Variants in ZBTB7C observed in about 807,000 individuals in gnomAD.
The protein encoded by ZBTB7C is zinc finger and BTB domain-containing protein 7C.
In ZBTB7C, 8 loss-of-function variants were observed where a neutral mutation model predicts 25.7. The observed-to-expected ratio is 0.31, with a 90% confidence interval of 0.18 to 0.56. The LOEUF (loss-of-function observed/expected upper bound fraction) is 0.56, where lower values mean the gene tolerates loss of function less well. ZBTB7C is among the 20% of genes least tolerant of loss of function. The probability of loss-of-function intolerance (pLI) is 0.91; values close to 1 mark genes in which losing one functional copy is unlikely to be tolerated. For synonymous variants in ZBTB7C, 394 were observed against 369.0 expected (o/e 1.07, Z -0.78); for missense variants, 824 against 855.2 (o/e 0.96, Z 0.46).
chr18:48,323,015 A>C (rs957429921), intron 2 of ZBTB7C, among the ~76,000 whole-genome samples: 1 of 152,194 alleles, frequency 6.6e-6, no homozygotes, highest in Non-Finnish European at 1.5e-5. Context: ...CAAAGGCATA[A>C]GAATAATACA....
intron 3 of ZBTB7C, among the ~76,000 whole-genome samples, chr18:48,140,808 C>T (rs939058140): frequency 2.6e-5 from 4 of 152,268 alleles, no homozygotes; most frequent in Admixed American, 2.6e-4. Flanking sequence ...CCCGCGCCCC[C>T]AGCCAAACCA....
At chr18:48,099,651 G>A (rs2038761285) in intron 3 of ZBTB7C, among the ~76,000 whole-genome samples, 1 of 152,214 alleles carries the variant, frequency 6.6e-6, no homozygotes, top group South Asian at 2.1e-4. Flanking sequence ...AACTGGCAGG[G>A]TGCAGCCCCC....
At chr18:48,115,659 C>A (rs928049859) in intron 3 of ZBTB7C, among the ~76,000 whole-genome samples, 7 of 152,164 alleles carry the variant, frequency 4.6e-5, no homozygotes, top group African/African-American at 1.7e-4. Context: ...GGGAATAATG[C>A]TGCGATGAAC....
At chr18:48,344,112 G>A (rs967882399) in intron 1 of ZBTB7C, among the ~76,000 whole-genome samples, 2 of 152,188 alleles carry the variant, frequency 1.3e-5, no homozygotes, top group African/African-American at 4.8e-5. Context: ...GGCCTTCCGA[G>A]TAGCTGGATT....
At chr18:48,102,372 TG>T (rs1034565065) in intron 3 of ZBTB7C, among the ~76,000 whole-genome samples, 15 of 152,256 alleles carry the variant, frequency 9.9e-5, no homozygotes, top group Admixed American at 1.3e-4. Flanking sequence ...GAGACCAGCC[TG>T]GGCAACATAG....
intron 3 of ZBTB7C, among the ~76,000 whole-genome samples, chr18:48,073,731 C>T (rs530244282): frequency 6.6e-6 from 1 of 152,246 alleles, no homozygotes; most frequent in African/African-American, 2.4e-5. Context: ...TCCGCCCTGG[C>T]TCCCCAACCC....
intron 2 of ZBTB7C, among the ~76,000 whole-genome samples, chr18:48,276,871 G>A (rs1406865424): frequency 7.8e-5 from 8 of 102,602 alleles, no homozygotes; most frequent in African/African-American, 2.7e-4. Context: ...CTGAGGAATC[G>A]CCACACTGAC....
At chr18:48,087,859 GC>G (rs1598853992) in intron 3 of ZBTB7C, 1 of 74,184 alleles carries the variant, frequency 1.3e-5, no homozygotes, top group African/African-American at 4.3e-5. Context: ...GGGGGGGGGG[GC>G]ATTTTTCCAT....
intron 3 of ZBTB7C, among the ~76,000 whole-genome samples, chr18:48,124,091 G>A (rs538440921): frequency 1.2e-4 from 18 of 152,326 alleles, no homozygotes; most frequent in Non-Finnish European, 1.2e-4. Flanking sequence ...ATCATAGGCT[G>A]GGTACTATCT....
intron 2 of ZBTB7C, among the ~76,000 whole-genome samples, chr18:48,222,956 C>A (rs1314891615): frequency 6.6e-6 from 1 of 152,204 alleles, no homozygotes; most frequent in African/African-American, 2.4e-5. Context: ...GTCCCTGCCC[C>A]TGGAGCTGTG....
At chr18:48,065,814 G>A (rs961426658) in intron 3 of ZBTB7C, among the ~76,000 whole-genome samples, 4 of 152,288 alleles carry the variant, frequency 2.6e-5, no homozygotes, top group East Asian at 1.9e-4. Flanking sequence ...CTCTAGGGCC[G>A]TTGGAGAAGT....
At chr18:48,214,495 T>C (rs1175533360) in intron 2 of ZBTB7C, among the ~76,000 whole-genome samples, 3 of 152,240 alleles carry the variant, frequency 2.0e-5, no homozygotes, top group Admixed American at 1.3e-4. Flanking sequence ...AAGCCCCTGC[T>C]GATAAAACAG....
chr18:48,083,169 T>G (rs2038055047), intron 3 of ZBTB7C, among the ~76,000 whole-genome samples: 1 of 152,164 alleles, frequency 6.6e-6, no homozygotes, highest in East Asian at 1.9e-4. Context: ...TCTATTCTAT[T>G]CTTCTTTTCT....
chr18:48,323,523 C>G (rs900768451), intron 2 of ZBTB7C, among the ~76,000 whole-genome samples: 4 of 152,194 alleles, frequency 2.6e-5, no homozygotes, highest in Non-Finnish European at 5.9e-5. Flanking sequence ...GTCTGTACTC[C>G]CTCCCTTAAA....
At chr18:48,258,176 T>A (rs2044073430) in intron 2 of ZBTB7C, among the ~76,000 whole-genome samples, 1 of 152,206 alleles carries the variant, frequency 6.6e-6, no homozygotes, top group South Asian at 2.1e-4. Context: ...AGAAAAAAAG[T>A]CAAGGCTATC....
chr18:48,040,439 C>T lies in ZBTB7C; in HGVS notation c.669G>A (p.Arg223=). Residue 223 remains arginine, a synonymous_variant, in exon 4 of 5, where the codon CGG becomes CGA. Coordinates refer to ENST00000590800, the MANE Select transcript of ZBTB7C (RefSeq NM_001318841.2). ...TTAGCAGAGATTCGATGGAGAAGTC[C>T]CGGATCACCCCCAGATGGCCAGGAC... ...AGSPGHLGVI[R]DFSIESLLRE... 1 of 1,607,422 alleles carries T rather than the reference C, an allele frequency of 6.2e-7. No homozygotes were observed. Among genetic ancestry groups the T allele is most frequent in the East Asian group, 2.2e-5 (1 of 44,854 alleles).
intron 4 of ZBTB7C, among the ~76,000 whole-genome samples, chr18:48,037,924 C>T (rs2036047266): frequency 6.6e-6 from 1 of 152,196 alleles, no homozygotes; most frequent in Non-Finnish European, 1.5e-5. Context: ...AGCCAGGCCC[C>T]CCGTGAAGAT....
intron 1 of ZBTB7C, among the ~76,000 whole-genome samples, chr18:48,389,234 CTCGTGTGTGTGTGTGTGT>C (rs2047833200): frequency 3.6e-5 from 2 of 55,230 alleles, no homozygotes; most frequent in South Asian, 8.6e-4. Context: ...CTCTCTCTCT[CTCGTGTGTGTGTGTGTGT>C]GTGTGTGTGT....
chr18:48,401,808 G>C (rs988269409), intron 1 of ZBTB7C, among the ~76,000 whole-genome samples: 1 of 152,102 alleles, frequency 6.6e-6, no homozygotes, highest in Non-Finnish European at 1.5e-5. Flanking sequence ...TCTCCAGGGA[G>C]TTAAGTGCTC....
Sources: allele counts gnomAD v4.1 joint callset (sites outside exome capture counted in the v4.1 genomes callset), GRCh38; gene constraint gnomAD v4.1.1; transcripts MANE v1.5; gene names NCBI Gene and HGNC (gene_info 2026-07-23, HGNC 2026-07-21).